Variants in ASTN2 observed in about 807,000 individuals in gnomAD.
ASTN2 encodes astrotactin 2.
In ASTN2, 54 loss-of-function variants were observed where a neutral mutation model predicts 139.8. That is an observed-to-expected ratio of 0.39 (90% CI 0.31 to 0.48). ASTN2 has a LOEUF of 0.48. Among genes scored for constraint, ASTN2 ranks in the 20% least tolerant of loss-of-function variants. The pLI, the probability that ASTN2 is intolerant of heterozygous loss-of-function variation, is 0.95. For missense variants in ASTN2, 1,565 were observed against 1,725.1 expected (o/e 0.91, Z 1.64); for synonymous variants, 756 against 719.5 (o/e 1.05, Z -0.81).
intron 1 of ASTN2, among the ~76,000 whole-genome samples, chr9:117,321,783 C>T (rs771792690): frequency 5.3e-5 from 8 of 152,088 alleles, no homozygotes; most frequent in Admixed American, 3.9e-4. Context: ...TTGAGGTGGG[C>T]GCTATCTTGT....
chr9:116,955,571 C>T (rs1835683073), intron 10 of ASTN2, among the ~76,000 whole-genome samples: 3 of 152,186 alleles, frequency 2.0e-5, no homozygotes, highest in Admixed American at 2.0e-4. Context: ...TTTGTATCTT[C>T]TGAGCAGGGC....
At chr9:116,750,440 G>C (rs1829366236) in intron 13 of ASTN2, among the ~76,000 whole-genome samples, 2 of 151,934 alleles carry the variant, frequency 1.3e-5, no homozygotes, top group Non-Finnish European at 2.9e-5. Context: ...ACTCTCCCTG[G>C]GGCACCTTAG....
chr9:116,671,456 A>C (rs930619398), intron 16 of ASTN2, among the ~76,000 whole-genome samples: 6 of 152,278 alleles, frequency 3.9e-5, no homozygotes, highest in African/African-American at 1.4e-4. Flanking sequence ...AAGTAGGCCA[A>C]CAGATAATAA....
rs55954354 is a variant in ASTN2, at chr9:116,815,804, C to CAAAAAAAAAAAAAAAAAA, written c.2207+4795_2207+4812dup. ...TGGGCAACAGAGCGAGACTCCGTCT[C>CAAAAAAAAAAAAAAAAAA]AAAAAAAAAAAAAAAAAAAAAAAAG... On this transcript the variant is annotated intron_variant, in intron 12 of 22. Transcript: ENST00000313400. 2.1e-3 allele frequency among the ~76,000 whole-genome samples: 51 copies of CAAAAAAAAAAAAAAAAAA among 24,102 alleles called. 11 individuals carry two copies. The highest frequency in any genetic ancestry group is 5.7e-3 in the East Asian group (3 of 526). 15.8% of individuals were successfully genotyped at this position (24,102 alleles called of 152,430 possible).
chr9:116,479,990 G>A (rs926655993), intron 20 of ASTN2, among the ~76,000 whole-genome samples: 2 of 152,236 alleles, frequency 1.3e-5, no homozygotes, highest in East Asian at 3.9e-4. Flanking sequence ...TGCCTTATCT[G>A]TTAGGTGAGA....
intron 19 of ASTN2, among the ~76,000 whole-genome samples, chr9:116,521,047 T>A (rs773492374): frequency 5.3e-5 from 8 of 152,040 alleles, no homozygotes; most frequent in African/African-American, 1.9e-4. Flanking sequence ...TATGAATGAA[T>A]AGAATCAATA....
At chr9:116,632,215 A>AAGAAAGAG (rs1856820325) in intron 17 of ASTN2, among the ~76,000 whole-genome samples, 1 of 127,344 alleles carries the variant, frequency 7.9e-6, no homozygotes, top group African/African-American at 3.0e-5. Flanking sequence ...AAAAGAAAGA[A>AAGAAAGAG]AGAAAGAAAG....
At position 116,477,040 on chromosome 9, in the gene ASTN2, C is replaced by G. The variant is rs192587114; in HGVS notation, c.3497+10319G>C. Among the ~76,000 whole-genome samples the G allele has an allele frequency of 4.5e-4, 68 of 152,242 alleles. No individual in the cohort carries two copies. In the East Asian group the frequency reaches 0.012, roughly 27 times the overall value. On this transcript the variant is annotated intron_variant, in intron 20 of 22. Transcript: ENST00000313400. ...CCAGCGCAGCCTCAGCTCCCACCCCCTCCCCACTCCACAAGGTCACATGAG... is the reference window on the plus strand; with the variant it reads ...CCAGCGCAGCCTCAGCTCCCACCCCGTCCCCACTCCACAAGGTCACATGAG...
chr9:117,039,653 T>C (rs7035492), intron 6 of ASTN2, among the ~76,000 whole-genome samples, 166 bp downstream of exon 6: 103,906 of 152,010 alleles, frequency 0.68, 36,056 homozygotes, highest in East Asian at 0.85. Context: ...ATAATCCAGA[T>C]TACAAAGGAT....
chr9:117,202,257 G>A (rs188084674), intron 3 of ASTN2, among the ~76,000 whole-genome samples: 79 of 152,208 alleles, frequency 5.2e-4, no homozygotes, highest in Non-Finnish European at 6.6e-4. Flanking sequence ...TGGGTCTCCT[G>A]AATATAGTAC....
intron 2 of ASTN2, among the ~76,000 whole-genome samples, chr9:117,238,281 G>A (rs10481642): frequency 0.012 from 1,875 of 152,278 alleles, 75 homozygotes; most frequent in Admixed American, 0.082. Flanking sequence ...CAGGAAAAGA[G>A]TGGGTCCCCT....
intron 1 of ASTN2, among the ~76,000 whole-genome samples, chr9:117,323,289 C>G (rs1011508291): frequency 3.3e-5 from 5 of 152,100 alleles, no homozygotes; most frequent in Non-Finnish European, 5.9e-5. Flanking sequence ...TCTGACCCCC[C>G]AAAGCCTCAT....
At chr9:117,345,353 T>C (rs1829183216) in intron 1 of ASTN2, among the ~76,000 whole-genome samples, 1 of 152,138 alleles carries the variant, frequency 6.6e-6, no homozygotes, top group Non-Finnish European at 1.5e-5. Flanking sequence ...TAAAGGAGCA[T>C]CAGATGTAAA....
At chr9:116,771,529 C>T (rs1829953384) in intron 13 of ASTN2, among the ~76,000 whole-genome samples, 1 of 152,152 alleles carries the variant, frequency 6.6e-6, no homozygotes, top group Non-Finnish European at 1.5e-5. Flanking sequence ...ATTTATGGTT[C>T]TACTCCCAGC....
intron 1 of ASTN2, among the ~76,000 whole-genome samples, chr9:117,409,546 T>TA (rs1285974084): frequency 6.6e-6 from 1 of 152,224 alleles, no homozygotes; most frequent in East Asian, 1.9e-4. Context: ...CAGCCTCCTG[T>TA]AGGGCTCAGC....
chr9:116,530,879 G>A (rs769871003), intron 19 of ASTN2, among the ~76,000 whole-genome samples: 4 of 151,996 alleles, frequency 2.6e-5, no homozygotes, highest in African/African-American at 9.7e-5. Flanking sequence ...CCCCAATAGC[G>A]GGGACCATTT....
intron 13 of ASTN2, among the ~76,000 whole-genome samples, chr9:116,769,138 G>A (rs928091015): frequency 6.6e-6 from 1 of 152,136 alleles, no homozygotes; most frequent in Non-Finnish European, 1.5e-5. Context: ...TAAGCCTAAA[G>A]CCCCAAGAAG....
At chr9:117,234,366 C>T (rs1053166868) in intron 2 of ASTN2, among the ~76,000 whole-genome samples, 4 of 152,180 alleles carry the variant, frequency 2.6e-5, no homozygotes, top group African/African-American at 9.7e-5. Context: ...TTCTCCTCCA[C>T]GCCTCTCCAG....
chr9:116,483,803 C>A (rs1200727650), intron 20 of ASTN2, among the ~76,000 whole-genome samples: 1 of 152,088 alleles, frequency 6.6e-6, no homozygotes, highest in African/African-American at 2.4e-5. Flanking sequence ...ATCTCATGCA[C>A]CTTGATTTTA....
Sources: allele counts gnomAD v4.1 joint callset (sites outside exome capture counted in the v4.1 genomes callset), GRCh38; gene constraint gnomAD v4.1.1; transcripts MANE v1.5; gene names NCBI Gene and HGNC (gene_info 2026-07-23, HGNC 2026-07-21).